THAP12: variants seen among roughly 807,000 people sequenced by gnomAD.
THAP12 encodes THAP domain containing 12.
THAP12 carries 20 observed loss-of-function variants against 63.0 expected under a neutral mutation model. That is an observed-to-expected ratio of 0.32 (90% confidence interval 0.22 to 0.46). The LOEUF (loss-of-function observed/expected upper bound fraction) is 0.46. THAP12 is among the 20% of genes least tolerant of loss of function. The probability of loss-of-function intolerance (pLI) is 1.00; values close to 1 mark genes in which losing one functional copy is unlikely to be tolerated. For missense variants in THAP12, 568 were observed against 908.2 expected, an observed-to-expected ratio of 0.63 and a Z score of 4.81; for synonymous variants, 264 against 328.4, an observed-to-expected ratio of 0.80 and a Z score of 2.12.
intron 2 of THAP12, among the ~76,000 whole-genome samples, chr11:76,363,971 G>A (rs576336651): frequency 6.6e-5 from 10 of 152,142 alleles, no homozygotes; most frequent in Admixed American, 2.6e-4. Context: ...TCACATTTGC[G>A]TTCATTTATT....
intron 1 of THAP12, among the ~76,000 whole-genome samples, chr11:76,372,063 G>A (rs959387958): frequency 2.0e-5 from 3 of 151,832 alleles, no homozygotes; most frequent in Non-Finnish European, 2.9e-5. Flanking sequence ...CACCCGCCTC[G>A]GCCTCCCAAA....
chr11:76,380,965 G>A lies in THAP12; in HGVS notation c.-129C>T, dbSNP rs988114041. The A allele has an allele frequency of 4.7e-6, 2 of 421,998 alleles. No individual in the cohort carries two copies. The highest frequency in any genetic ancestry group is 7.3e-6 in the Non-Finnish European group (2 of 275,280). The allele number at this position is 421,998 out of a possible 1,614,324, so 26.1% of individuals were successfully genotyped here. A position where few individuals can be genotyped will look rare whatever the true frequency, so the allele number is the denominator to read the frequency against. On this transcript the variant is annotated 5_prime_UTR_variant, in exon 1 of 5. Transcript: ENST00000260045. ...TCGGCAGGGCCGACGCGCGGGGGAG[G>A]GGCGGGCGGGCTAGAAGCCGCGAGG...
intron 1 of THAP12, among the ~76,000 whole-genome samples, chr11:76,373,070 T>C (rs1209162767): frequency 1.3e-5 from 2 of 152,120 alleles, no homozygotes; most frequent in Non-Finnish European, 2.9e-5. Context: ...AAGGGTAACA[T>C]GAAATAATGT....
At chr11:76,358,954 G>A (rs1362732135) in intron 3 of THAP12, 1 of 152,122 alleles carries the variant, frequency 6.6e-6, no homozygotes, top group Non-Finnish European at 1.5e-5. Context: ...CATAGTACCA[G>A]GGATCTTGAC....
intron 1 of THAP12, among the ~76,000 whole-genome samples, chr11:76,375,117 T>G (rs1321212170): frequency 6.6e-6 from 1 of 152,182 alleles, no homozygotes; most frequent in African/African-American, 2.4e-5. Context: ...AAAACCACTG[T>G]TTTACATTTC....
At chr11:76,355,428 A>T (rs1301981944) in intron 4 of THAP12, among the ~76,000 whole-genome samples, 190 bp downstream of exon 4, 1 of 152,244 alleles carries the variant, frequency 6.6e-6, no homozygotes, top group Non-Finnish European at 1.5e-5. Flanking sequence ...GCATTGCAGC[A>T]CTCAATAAAG....
At chr11:76,365,528 C>T (rs1946625501) in intron 2 of THAP12, among the ~76,000 whole-genome samples, 1 of 152,028 alleles carries the variant, frequency 6.6e-6, no homozygotes, top group Admixed American at 6.6e-5. Context: ...GGACTACAGG[C>T]ATACGTCACC....
At chr11:76,363,901 C>A (rs1194712100) in intron 2 of THAP12, among the ~76,000 whole-genome samples, 2 of 152,136 alleles carry the variant, frequency 1.3e-5, no homozygotes, top group Admixed American at 1.3e-4. Context: ...CTACCATATC[C>A]AGCCCAGAAA....
At chr11:76,370,252 G>A (rs750159716) in intron 1 of THAP12, among the ~76,000 whole-genome samples, 7 of 152,152 alleles carry the variant, frequency 4.6e-5, no homozygotes, top group African/African-American at 1.4e-4. Flanking sequence ...AGTTTGGGAC[G>A]CTAGTGATAC....
chr11:76,363,377 T>G (rs1946610818), intron 2 of THAP12, among the ~76,000 whole-genome samples: 1 of 152,148 alleles, frequency 6.6e-6, no homozygotes, highest in Non-Finnish European at 1.5e-5. Context: ...ATCTTTTTTT[T>G]TTTGTCTGTT....
chr11:76,370,056 C>T (rs1299209146), intron 1 of THAP12, among the ~76,000 whole-genome samples: 1 of 152,196 alleles, frequency 6.6e-6, no homozygotes, highest in Non-Finnish European at 1.5e-5. Context: ...GGGAGGGTAA[C>T]AACTGGGAGT....
chr11:76,356,589 A>C (rs1946562782), intron 3 of THAP12: 2 of 152,358 alleles, frequency 1.3e-5, no homozygotes, highest in Middle Eastern at 6.8e-3. Flanking sequence ...TGCTGGGGAA[A>C]AAATGGATGG....
intron 3 of THAP12, 131 bp downstream of exon 3, chr11:76,360,825 T>C (rs1265704548): frequency 1.5e-5 from 10 of 666,668 alleles, no homozygotes; most frequent in Non-Finnish European, 2.3e-5. Flanking sequence ...TTAACAACCA[T>C]AACATTTATT....
intron 3 of THAP12, chr11:76,358,031 T>G (rs182186122): frequency 6.6e-6 from 1 of 152,238 alleles, no homozygotes; most frequent in East Asian, 1.9e-4. Flanking sequence ...TTTCATAAAC[T>G]TTTAGAAACA....
At chr11:76,358,518 A>C (rs1222774715) in intron 3 of THAP12, 1 of 152,140 alleles carries the variant, frequency 6.6e-6, no homozygotes, top group Non-Finnish European at 1.5e-5. Context: ...TAAAAACAGA[A>C]TATAGGTCAG....
intron 1 of THAP12, among the ~76,000 whole-genome samples, chr11:76,376,809 G>T (rs1946714658): frequency 6.6e-6 from 1 of 152,010 alleles, no homozygotes; most frequent in South Asian, 2.1e-4. Context: ...CCCTTAAGGA[G>T]TGTAGTCAAA....
At chr11:76,365,755 C>T in intron 2 of THAP12, 97 bp downstream of exon 2, 1 of 1,406,368 alleles carries the variant, frequency 7.1e-7, no homozygotes, top group Non-Finnish European at 9.6e-7. Context: ...TATAGGAATA[C>T]CTTCCAACAT....
chr11:76,352,569 C>T lies in THAP12; in HGVS notation c.581G>A (p.Gly194Asp). Reference sequence around the variant, plus strand: ...CTGAAAGTTATCTGGAGTAAAGAGACCTTCTGGGATTTCATCAGCCTCATG... The same window carrying T: ...CTGAAAGTTATCTGGAGTAAAGAGATCTTCTGGGATTTCATCAGCCTCATG... ...DGHEADEIPE[G>D]LFTPDNFQAL... The change falls in exon 5 of 5, where the codon GGT (glycine) becomes GAT (aspartate). Residue 194 changes from glycine to aspartate, a missense_variant. Physicochemically the swap from Gly to Asp is moderately conservative, Grantham distance 94 (BLOSUM62 -1). Transcript: ENST00000260045. 1 of 1,611,960 alleles carries T rather than the reference C, an allele frequency of 6.2e-7. No individual in the cohort carries two copies. The highest frequency in any genetic ancestry group is 8.5e-7 in the Non-Finnish European group (1 of 1,179,832).
rs1024336242 is a variant in THAP12 at position 76,380,792 on chromosome 11, C to T, written c.45G>A (p.Thr15=). ...CAAPNCTRKS[T]QSDLAFFRFP... is the part of the protein sequence containing the mutation. ...ACCTGAAGAAGGCCAAGTCGGACTG[C>T]GTGCTCTTCCGCGTGCAGTTGGGGG... is the stretch of plus-strand genomic sequence containing the variant. Residue 15 remains threonine, a synonymous_variant, in exon 1 of 5, where the codon ACG becomes ACA. Transcript: ENST00000260045. 4 of 1,464,036 alleles carry T rather than the reference C, an allele frequency of 2.7e-6. No homozygotes were observed. Among genetic ancestry groups the T allele is most frequent in the East Asian group, 6.2e-5 (2 of 32,304 alleles). The allele number at this position is 1,464,036 out of a possible 1,614,324, so 90.7% of individuals were successfully genotyped here.
Sources: allele counts gnomAD v4.1 joint callset (sites outside exome capture counted in the v4.1 genomes callset), GRCh38; gene constraint gnomAD v4.1.1; transcripts MANE v1.5; gene names NCBI Gene and HGNC (gene_info 2026-07-23, HGNC 2026-07-21).